The following SULT1E1 variants were observed in gnomAD, a reference collection of about 807,000 sequenced individuals.
SULT1E1 encodes sulfotransferase 1E1.
Under a neutral mutation model 33.6 loss-of-function variants are expected in SULT1E1, and 36 were observed. The ratio of observed to expected loss-of-function variants is 1.07; its 90% CI spans 0.82 to 1.41. The LOEUF is 1.41. Ranked by LOEUF, SULT1E1 falls within the 40% of genes most tolerant of loss-of-function variation. The probability of loss-of-function intolerance (pLI) is 0.00; values close to 1 mark genes in which losing one functional copy is unlikely to be tolerated. For missense variants in SULT1E1, 371 were observed against 345.7 expected (o/e 1.07, Z -0.58); for synonymous variants, 121 against 111.7 (o/e 1.08, Z -0.53).
At chr4:69,826,671 G>T in the SULT1E1 span, among the ~76,000 whole-genome samples, 1 of 151,960 alleles carries the variant, frequency 6.6e-6, no homozygotes, top group Non-Finnish European at 1.5e-5. Flanking sequence ...ATTTTTTTCT[G>T]CACTATGGCT....
the SULT1E1 span, among the ~76,000 whole-genome samples, chr4:69,833,779 C>T: frequency 6.6e-6 from 1 of 152,174 alleles, no homozygotes; most frequent in Non-Finnish European, 1.5e-5. Context: ...TATTGCTTTT[C>T]CTCCCTTTCA....
the SULT1E1 span, among the ~76,000 whole-genome samples, chr4:69,835,847 T>G: frequency 6.6e-6 from 1 of 152,362 alleles, no homozygotes; most frequent in Non-Finnish European, 1.5e-5. Flanking sequence ...CTAGGCTGTT[T>G]TGCCCAGGCT....
intron 7 of SULT1E1, 27 bp downstream of exon 7, chr4:69,844,134 T>A (rs1473684174): frequency 6.2e-7 from 1 of 1,611,638 alleles, no homozygotes; most frequent in Admixed American, 1.7e-5. Flanking sequence ...CTTCCTCTAG[T>A]ATCGAGGCAA....
chr4:69,836,811 A>G (rs1471662486), downstream of SULT1E1, among the ~76,000 whole-genome samples: 1 of 152,148 alleles, frequency 6.6e-6, no homozygotes, highest in Non-Finnish European at 1.5e-5. Context: ...TCATGCTTTT[A>G]TCATGATGAT....
At chr4:69,858,660 C>T (rs539364565) in intron 1 of SULT1E1, among the ~76,000 whole-genome samples, 1 of 151,902 alleles carries the variant, frequency 6.6e-6, no homozygotes, top group Non-Finnish European at 1.5e-5. Context: ...TTTTAAAAAA[C>T]CTTCCTCTAC....
chr4:69,846,449 T>C (rs549711303), intron 6 of SULT1E1, among the ~76,000 whole-genome samples: 2 of 151,440 alleles, frequency 1.3e-5, no homozygotes, highest in South Asian at 4.2e-4. Flanking sequence ...GTATATTTAG[T>C]GTACTTCCTT....
intron 5 of SULT1E1, among the ~76,000 whole-genome samples, chr4:69,848,032 A>T (rs1339409847): frequency 6.6e-6 from 1 of 151,686 alleles, no homozygotes; most frequent in Admixed American, 6.6e-5. Flanking sequence ...ACAGAAAAAC[A>T]GGGAAAGTTC....
intron 2 of SULT1E1, among the ~76,000 whole-genome samples, chr4:69,856,841 A>AAGG (rs1437755116): frequency 2.0e-5 from 3 of 147,264 alleles, no homozygotes; most frequent in Admixed American, 7.1e-5. Flanking sequence ...GAGGCTGAGG[A>AAGG]AGGAGAATGG....
intron 4 of SULT1E1, 31 bp from the exon 5 acceptor site, chr4:69,849,594 T>C: frequency 6.5e-7 from 1 of 1,534,260 alleles, no homozygotes; most frequent in Non-Finnish European, 8.8e-7. Context: ...ATTAAACCAC[T>C]TAACATTTTT....
chr4:69,850,443 C>G (rs1469128524), intron 4 of SULT1E1, among the ~76,000 whole-genome samples: 1 of 152,034 alleles, frequency 6.6e-6, no homozygotes, highest in Non-Finnish European at 1.5e-5. Context: ...ACTAAATTGT[C>G]TTACTGATGA....
chr4:69,832,480 C>T, the SULT1E1 span, among the ~76,000 whole-genome samples: 6 of 152,124 alleles, frequency 3.9e-5, no homozygotes, highest in Admixed American at 2.6e-4. Flanking sequence ...GACTGGGCCC[C>T]GAACAAAGAC....
At chr4:69,825,479 C>T in the SULT1E1 span, among the ~76,000 whole-genome samples, 4 of 152,106 alleles carry the variant, frequency 2.6e-5, no homozygotes, top group African/African-American at 9.7e-5. Context: ...TCCTATTTTT[C>T]CTTAGAATTC....
the SULT1E1 span, among the ~76,000 whole-genome samples, chr4:69,827,941 C>G: frequency 6.6e-6 from 1 of 152,170 alleles, no homozygotes; most frequent in Non-Finnish European, 1.5e-5. Flanking sequence ...TATGCCAACC[C>G]CTCATTCATG....
At chr4:69,831,089 C>T in the SULT1E1 span, among the ~76,000 whole-genome samples, 3 of 152,168 alleles carry the variant, frequency 2.0e-5, no homozygotes, top group South Asian at 2.1e-4. Context: ...GGAGCATGTA[C>T]CCACTCGGAT....
intron 3 of SULT1E1, among the ~76,000 whole-genome samples, chr4:69,854,625 A>G (rs11573760): frequency 0.022 from 3,365 of 152,100 alleles, 127 homozygotes; most frequent in African/African-American, 0.076. Flanking sequence ...GAAAGAAAGA[A>G]ATATAGATAG....
chr4:69,833,347 T>C, the SULT1E1 span, among the ~76,000 whole-genome samples: 1 of 152,336 alleles, frequency 6.6e-6, no homozygotes, highest in East Asian at 1.9e-4. Flanking sequence ...GCATCTCTAG[T>C]ATTACAATAG....
chr4:69,827,552 T>C, the SULT1E1 span, among the ~76,000 whole-genome samples: 1 of 152,124 alleles, frequency 6.6e-6, no homozygotes, highest in Admixed American at 6.5e-5. Context: ...TAAGGAAATA[T>C]GCTCCCCTGT....
chr4:69,823,581 T>C, the SULT1E1 span, among the ~76,000 whole-genome samples: 4 of 152,182 alleles, frequency 2.6e-5, no homozygotes, highest in Non-Finnish European at 4.4e-5. Context: ...GCCACCTGCT[T>C]TGTGGCCCAT....
intron 6 of SULT1E1, among the ~76,000 whole-genome samples, chr4:69,844,721 C>G (rs960946489): frequency 6.6e-6 from 1 of 151,974 alleles, no homozygotes. Flanking sequence ...CATTTTTCTC[C>G]TAATTTATTG....
Sources: allele counts gnomAD v4.1 joint callset (sites outside exome capture counted in the v4.1 genomes callset), GRCh38; gene constraint gnomAD v4.1.1; transcripts MANE v1.5; gene names NCBI Gene and HGNC (gene_info 2026-07-23, HGNC 2026-07-21).